Variants in THSD7B observed in about 807,000 individuals in gnomAD.
THSD7B encodes the protein thrombospondin type 1 domain containing 7B, also known as thrombospondin type-1 domain-containing protein 7B.
THSD7B carries 138 observed loss-of-function variants against 213.6 expected under a neutral mutation model. The ratio of observed to expected loss-of-function variants is 0.65; its 90% CI spans 0.56 to 0.74. THSD7B has a LOEUF of 0.74. Ranked by LOEUF, THSD7B falls within the 30% of genes least tolerant of loss-of-function variation. The probability of loss-of-function intolerance (pLI) is 0.00; values close to 1 mark genes in which losing one functional copy is unlikely to be tolerated. For missense variants in THSD7B, 1,931 were observed against 1,991.5 expected (o/e 0.97, Z 0.58); for synonymous variants, 742 against 687.0 (o/e 1.08, Z -1.25).
At chr2:137,564,209 T>C (rs1681185235) in intron 16 of THSD7B, among the ~76,000 whole-genome samples, 1 of 152,172 alleles carries the variant, frequency 6.6e-6, no homozygotes, top group South Asian at 2.1e-4. Context: ...TAGCTGCCTA[T>C]TGAGTTAACT....
chr2:136,913,567 C>T (rs1198858306), intron 2 of THSD7B, among the ~76,000 whole-genome samples: 1 of 152,190 alleles, frequency 6.6e-6, no homozygotes, highest in African/African-American at 2.4e-5. Context: ...ATGGGCCAGG[C>T]CCAGGATCCC....
chr2:136,957,375 G>A (rs906326085), intron 2 of THSD7B, among the ~76,000 whole-genome samples: 4 of 151,772 alleles, frequency 2.6e-5, no homozygotes, highest in African/African-American at 4.8e-5. Flanking sequence ...TGAGGGCACT[G>A]TATGAGCCCA....
intron 12 of THSD7B, among the ~76,000 whole-genome samples, chr2:137,362,353 A>G (rs2104936924): frequency 6.6e-6 from 1 of 152,336 alleles, no homozygotes; most frequent in African/African-American, 2.4e-5. Context: ...AGCTAACATC[A>G]TAATGATGGG....
chr2:137,250,311 C>T (rs1682144196), intron 10 of THSD7B, among the ~76,000 whole-genome samples: 1 of 151,976 alleles, frequency 6.6e-6, no homozygotes, highest in Non-Finnish European at 1.5e-5. Context: ...TGTTTTGATA[C>T]ATGTATACAT....
chr2:136,888,709 G>A (rs1385676856), intron 2 of THSD7B, among the ~76,000 whole-genome samples: 3 of 151,904 alleles, frequency 2.0e-5, no homozygotes, highest in African/African-American at 7.3e-5. Flanking sequence ...AATTTTCCAA[G>A]GTTTCCAATA....
At chr2:137,282,688 C>G (rs921624986) in intron 12 of THSD7B, among the ~76,000 whole-genome samples, 3 of 152,086 alleles carry the variant, frequency 2.0e-5, no homozygotes, top group African/African-American at 7.2e-5. Flanking sequence ...TTGTTTTTGT[C>G]AGGTTTGTCA....
At chr2:137,406,079 C>A (rs893893589) in intron 13 of THSD7B, among the ~76,000 whole-genome samples, 1 of 152,194 alleles carries the variant, frequency 6.6e-6, no homozygotes, top group African/African-American at 2.4e-5. Flanking sequence ...AAAGGCATTT[C>A]ATTCACCAAC....
intron 12 of THSD7B, among the ~76,000 whole-genome samples, chr2:137,326,364 C>T (rs774603607): frequency 2.0e-5 from 3 of 152,174 alleles, no homozygotes; most frequent in Non-Finnish European, 2.9e-5. Context: ...TTAATTTCTT[C>T]GCCATTCCTC....
At position 137,069,436 on chromosome 2, in the gene THSD7B, CA is replaced by C. The variant is rs373062667; in HGVS notation, c.950+12207del. Among the ~76,000 whole-genome samples, 55 of 151,530 alleles carry C rather than the reference CA, an allele frequency of 3.6e-4. No homozygotes were observed. The East Asian group carries it at 0.011, about 29-fold the overall frequency. On this transcript the variant is annotated intron_variant, in intron 3 of 27. Coordinates refer to ENST00000409968, the MANE Select transcript of THSD7B (RefSeq NM_001316349.2). The stretch of plus-strand genomic sequence containing the variant: ...GAAAGTGATTCATACTTATTGTTTG[CA>C]TGAATGAAAATCAGATCAATGGGTT...
At chr2:137,071,634 T>C (rs528839311) in intron 3 of THSD7B, among the ~76,000 whole-genome samples, 255 of 152,340 alleles carry the variant, frequency 1.7e-3, no homozygotes, top group African/African-American at 5.8e-3. Context: ...TCCTTGCCTG[T>C]GCCTATGTCC....
intron 2 of THSD7B, among the ~76,000 whole-genome samples, chr2:136,895,514 C>CTTTTTT (rs71301798): frequency 1.1e-4 from 8 of 73,904 alleles, no homozygotes; most frequent in Non-Finnish European, 1.7e-4. Context: ...CAAGTGGAGA[C>CTTTTTT]TTTTTTTTTT....
intron 1 of THSD7B, among the ~76,000 whole-genome samples, chr2:136,818,660 T>G (rs1682521677): frequency 6.6e-6 from 1 of 152,312 alleles, no homozygotes; most frequent in African/African-American, 2.4e-5. Flanking sequence ...CCCTTGCTTC[T>G]TTTAGCTTAA....
At chr2:137,096,347 G>T (rs779515209) in intron 4 of THSD7B, among the ~76,000 whole-genome samples, 1 of 152,178 alleles carries the variant, frequency 6.6e-6, no homozygotes, top group African/African-American at 2.4e-5. Flanking sequence ...GACCCAACAG[G>T]TTCTGGTGGT....
At chr2:137,492,155 C>T (rs1190613543) in intron 15 of THSD7B, among the ~76,000 whole-genome samples, 1 of 152,150 alleles carries the variant, frequency 6.6e-6, no homozygotes, top group African/African-American at 2.4e-5. Flanking sequence ...TACTTCAAAG[C>T]AAGGGAAATG....
intron 17 of THSD7B, among the ~76,000 whole-genome samples, chr2:137,578,610 A>G (rs1168437881): frequency 1.3e-5 from 2 of 152,204 alleles, no homozygotes; most frequent in Non-Finnish European, 2.9e-5. Flanking sequence ...CACAGGTAAC[A>G]TTACTGCCTG....
chr2:137,325,266 G>A (rs574979775), intron 12 of THSD7B, among the ~76,000 whole-genome samples: 1 of 152,296 alleles, frequency 6.6e-6, no homozygotes, highest in South Asian at 2.1e-4. Flanking sequence ...GCTCTGAACT[G>A]AAGTGAAAGC....
Position 136,841,439 on chromosome 2 carries a change from CA to C in THSD7B, c.-35-40696del, listed in dbSNP as rs111309132. Among the ~76,000 whole-genome samples the C allele has an allele frequency of 1.6e-3, 236 of 148,778 alleles. 1 individual carries two copies. Among genetic ancestry groups the C allele is most frequent in the Non-Finnish European group, 2.4e-3 (160 of 67,050 alleles). On this transcript the variant is annotated intron_variant, in intron 1 of 27. Coordinates refer to ENST00000409968, the MANE Select transcript of THSD7B (RefSeq NM_001316349.2). ...TGAAACTCCATCTCCACTAAAAATA[CA>C]AAAAAAAATAGCTGGACATGGTGGT...
At chr2:137,266,690 A>G (rs1049869024) in intron 10 of THSD7B, among the ~76,000 whole-genome samples, 5 of 152,182 alleles carry the variant, frequency 3.3e-5, no homozygotes, top group African/African-American at 1.2e-4. Flanking sequence ...AATAACTGCC[A>G]TGCATTGCTG....
intron 2 of THSD7B, among the ~76,000 whole-genome samples, chr2:136,996,694 G>A (rs1300491536): frequency 6.6e-6 from 1 of 152,002 alleles, no homozygotes; most frequent in African/African-American, 2.4e-5. Flanking sequence ...ACAGAAATTG[G>A]TGCTTTTAAT....
Sources: allele counts gnomAD v4.1 joint callset (sites outside exome capture counted in the v4.1 genomes callset), GRCh38; gene constraint gnomAD v4.1.1; transcripts MANE v1.5; gene names NCBI Gene and HGNC (gene_info 2026-07-23, HGNC 2026-07-21).